Variants in DPP6 observed in about 807,000 individuals in gnomAD.
DPP6 encodes A-type potassium channel modulatory protein DPP6.
A neutral mutation model predicts 122.6 loss-of-function variants in DPP6; 69 were observed. That is an observed-to-expected ratio of 0.56 (90% CI 0.46 to 0.69). The LOEUF (loss-of-function observed/expected upper bound fraction) is 0.69. Ranked by LOEUF, DPP6 falls within the 30% of genes least tolerant of loss-of-function variation. DPP6 has a pLI of 0.00. For synonymous variants in DPP6, 418 were observed against 433.1 expected, an observed-to-expected ratio of 0.97 and a Z score of 0.43; for missense variants, 928 against 1,116.9, an observed-to-expected ratio of 0.83 and a Z score of 2.41.
At chr7:154,841,399 A>T (rs1801536894) in intron 16 of DPP6, among the ~76,000 whole-genome samples, 1 of 150,602 alleles carries the variant, frequency 6.6e-6, no homozygotes, top group East Asian at 2.0e-4. Flanking sequence ...ACAAAACTGA[A>T]ATACTAAGTT....
At chr7:154,867,272 G>A (rs891043694) in intron 17 of DPP6, among the ~76,000 whole-genome samples, 2 of 152,164 alleles carry the variant, frequency 1.3e-5, no homozygotes, top group East Asian at 1.9e-4. Context: ...GTACATGAAC[G>A]GAGAGTTCCT....
chr7:154,522,831 T>C (rs1315678319), intron 3 of DPP6, among the ~76,000 whole-genome samples: 1 of 152,194 alleles, frequency 6.6e-6, no homozygotes, highest in Non-Finnish European at 1.5e-5. Flanking sequence ...TTAGTGGGTG[T>C]TATGGGAACG....
chr7:154,004,332 G>A (rs1252769806), intron 1 of DPP6, among the ~76,000 whole-genome samples: 1 of 152,196 alleles, frequency 6.6e-6, no homozygotes, highest in Non-Finnish European at 1.5e-5. Flanking sequence ...TGAGGAGGGT[G>A]ACATTTACTG....
intron 1 of DPP6, among the ~76,000 whole-genome samples, chr7:154,031,048 G>C (rs1799200445): frequency 1.3e-5 from 2 of 151,756 alleles, no homozygotes. Context: ...AGCTCTCCCT[G>C]GTTGTCTTAT....
intron 5 of DPP6, among the ~76,000 whole-genome samples, chr7:154,621,223 C>T (rs1333250203): frequency 1.3e-5 from 2 of 152,074 alleles, no homozygotes; most frequent in African/African-American, 4.8e-5. Flanking sequence ...ATTTGGAAGC[C>T]TGCTAAGAAT....
At chr7:154,639,075 C>T (rs934928800) in intron 6 of DPP6, among the ~76,000 whole-genome samples, 1 of 152,168 alleles carries the variant, frequency 6.6e-6, no homozygotes, top group Non-Finnish European at 1.5e-5. Context: ...CATAGGTGAG[C>T]ATTAATCACA....
intron 1 of DPP6, among the ~76,000 whole-genome samples, chr7:153,918,458 ACACACACACTCTCT>A (rs765323969): frequency 7.2e-4 from 69 of 95,242 alleles, no homozygotes; most frequent in Middle Eastern, 5.1e-3. Context: ...ACACACACAC[ACACACACACTCTCT>A]CTCTCTCTCT....
In DPP6 at chr7:154,292,289, C is replaced by A. The variant is rs58711106; in HGVS notation, c.244-153925C>A. Among the ~76,000 whole-genome samples, 1,118 of 152,288 alleles carry A rather than the reference C, an allele frequency of 7.3e-3. 13 individuals carry two copies. Among genetic ancestry groups the A allele is most frequent in the African/African-American group, 0.025 (1,058 of 41,560 alleles). On this transcript the variant is annotated intron_variant, in intron 1 of 25. Transcript: ENST00000377770. ...TCCCCCACAAGTTTCACCCTAGTGA[C>A]TGTTCTCTGTCATCCCACGCAGGGT...
intron 7 of DPP6, 149 bp from the exon 8 acceptor site, chr7:154,727,618 C>T: frequency 4.7e-6 from 5 of 1,054,620 alleles, no homozygotes; most frequent in Middle Eastern, 3.3e-4. Flanking sequence ...GGTGGGTAGA[C>T]CTCCAAGAAT....
At chr7:153,990,814 C>G (rs1233786497) in intron 1 of DPP6, among the ~76,000 whole-genome samples, 1 of 152,164 alleles carries the variant, frequency 6.6e-6, no homozygotes, top group Non-Finnish European at 1.5e-5. Context: ...GAAAAGAGGA[C>G]GAAGGAGTGA....
chr7:154,313,724 C>T (rs1321544826), intron 1 of DPP6, among the ~76,000 whole-genome samples: 10 of 29,074 alleles, frequency 3.4e-4, no homozygotes, highest in Admixed American at 7.9e-4. Context: ...TACACACACA[C>T]GCACGCACAC....
chr7:154,790,951 C>T (rs58249205), intron 10 of DPP6, among the ~76,000 whole-genome samples: 5,517 of 151,998 alleles, frequency 0.036, 310 homozygotes, highest in African/African-American at 0.12. Flanking sequence ...TCTCACACTG[C>T]TAATAAACAC....
At chr7:154,443,930 C>G (rs754549534) in intron 1 of DPP6, among the ~76,000 whole-genome samples, 1 of 152,028 alleles carries the variant, frequency 6.6e-6, no homozygotes, top group African/African-American at 2.4e-5. Context: ...CTCAGTGTGC[C>G]GGGGGACAAC....
the DPP6 span, among the ~76,000 whole-genome samples, chr7:153,819,949 C>T: frequency 2.6e-5 from 4 of 152,114 alleles, no homozygotes; most frequent in Admixed American, 2.6e-4. Context: ...AAAGATAATT[C>T]ATCCAATCTT....
intron 5 of DPP6, among the ~76,000 whole-genome samples, chr7:154,567,237 A>G (rs1182454509): frequency 6.6e-6 from 1 of 152,220 alleles, no homozygotes; most frequent in Admixed American, 6.5e-5. Context: ...TCTCAGTGAA[A>G]TAATAGATTT....
chr7:154,430,324 T>C (rs1818255819), intron 1 of DPP6, among the ~76,000 whole-genome samples: 1 of 152,184 alleles, frequency 6.6e-6, no homozygotes, highest in African/African-American at 2.4e-5. Context: ...CAATTCAGGC[T>C]GTTGTAGCAG....
At chr7:153,809,020 T>C in the DPP6 span, among the ~76,000 whole-genome samples, 56 of 152,050 alleles carry the variant, frequency 3.7e-4, no homozygotes, top group African/African-American at 1.1e-3. Flanking sequence ...ACCAACAGCA[T>C]GCAGTTTTTC....
At position 154,514,673 on chromosome 7, in the gene DPP6, A is replaced by G. The variant is rs1022298780; in HGVS notation, c.458-25859A>G. ...TTGTGACTGGCTTATTTCACTTATC[A>G]TAATGTCTTACGGGTTCATCCATGT... On this transcript the variant is annotated intron_variant, in intron 3 of 25. Transcript: ENST00000377770. Among the ~76,000 whole-genome samples, 4 of 152,192 alleles carry G rather than the reference A, an allele frequency of 2.6e-5. No individual in the cohort carries two copies. The South Asian group carries it at 6.2e-4, about 24-fold the overall frequency.
chr7:154,037,335 T>C (rs933347201), intron 1 of DPP6, among the ~76,000 whole-genome samples: 5 of 152,062 alleles, frequency 3.3e-5, no homozygotes, highest in African/African-American at 1.2e-4. Context: ...CCTGGCACTC[T>C]AATAGACATT....
Sources: gnomAD v4.1 joint callset for allele counts (sites outside exome capture counted in the v4.1 genomes callset) on GRCh38, gnomAD v4.1.1 for gene constraint, MANE v1.5 for transcripts, NCBI Gene and HGNC (gene_info 2026-07-23, HGNC 2026-07-21) for gene names.